The following IGF2BP1 variants were observed in gnomAD, a reference collection of about 807,000 sequenced individuals.
The protein encoded by IGF2BP1 is insulin like growth factor 2 mRNA binding protein 1.
In IGF2BP1, 11 loss-of-function variants were observed where a neutral mutation model predicts 74.9. The observed-to-expected ratio is 0.15, with a 90% CI of 0.09 to 0.24. The LOEUF (loss-of-function observed/expected upper bound fraction) is 0.24. Ranked by LOEUF, IGF2BP1 falls within the 10% of genes least tolerant of loss-of-function variation. The pLI is 1.00. For missense variants in IGF2BP1, 440 were observed against 757.4 expected (o/e 0.58, Z 4.92); for synonymous variants, 287 against 281.8 (o/e 1.02, Z -0.18).
chr17:49,039,953 C>T lies in IGF2BP1; in HGVS notation c.684-4C>T. ...CTAACCAGCCTTGTCCTTGTGGCCCCCAGGATAGACGTGCATAGGAAGGAG... is the reference window on the plus strand; with the variant it reads ...CTAACCAGCCTTGTCCTTGTGGCCCTCAGGATAGACGTGCATAGGAAGGAG... On this transcript the variant is annotated splice_region_variant and splice_polypyrimidine_tract_variant and intron_variant, in intron 6 of 14. Transcript: ENST00000290341. 3 of 1,612,248 alleles carry T rather than the reference C, an allele frequency of 1.9e-6. No homozygotes were observed. In the South Asian group the frequency reaches 3.3e-5, roughly 18 times the overall value.
chr17:49,043,224 G>A (rs757041381), intron 9 of IGF2BP1, among the ~76,000 whole-genome samples: 18 of 152,206 alleles, frequency 1.2e-4, no homozygotes, highest in Admixed American at 2.0e-4. Context: ...AGTCCAGTGA[G>A]AACATCATAT....
chr17:48,997,975 G>A lies in IGF2BP1; in HGVS notation c.175+55G>A. ...CACAACGAGAGCCCCGAACAACGGA[G>A]ACCCGCACCTTCCGGTTCCTCTCCC... On this transcript the variant is annotated intron_variant, in intron 1 of 14. Transcript: ENST00000290341. This position sits in a 1 kb window ranked among gnomAD's most constrained non-coding sequence, Gnocchi z 4.8. The A allele has an allele frequency of 6.4e-7, 1 of 1,571,052 alleles. No individual in the cohort carries two copies. Among genetic ancestry groups the A allele is most frequent in the Non-Finnish European group, 8.7e-7 (1 of 1,154,152 alleles).
intron 12 of IGF2BP1, 41 bp downstream of exon 12, chr17:49,045,106 T>C: frequency 6.4e-7 from 1 of 1,570,816 alleles, no homozygotes; most frequent in South Asian, 1.1e-5. Context: ...CATGGAGGAA[T>C]TGAGGTTGGG....
intron 2 of IGF2BP1, among the ~76,000 whole-genome samples, chr17:49,021,415 C>T (rs954679077): frequency 9.2e-5 from 14 of 152,146 alleles, no homozygotes; most frequent in Non-Finnish European, 1.5e-5. Flanking sequence ...AGGATGGTCA[C>T]TCAGTCTTTG....
intron 1 of IGF2BP1, among the ~76,000 whole-genome samples, chr17:48,998,587 A>AG (rs1182799063): frequency 1.3e-5 from 2 of 152,108 alleles, no homozygotes; most frequent in Non-Finnish European, 2.9e-5. Flanking sequence ...GGTGGCAGTG[A>AG]GGGACCCTCC....
At chr17:49,034,062 G>A (rs1417393416) in intron 5 of IGF2BP1, among the ~76,000 whole-genome samples, 1 of 77,184 alleles carries the variant, frequency 1.3e-5, no homozygotes, top group Non-Finnish European at 2.7e-5. Flanking sequence ...TGGCCTTAGC[G>A]ATCTTCCTAC....
At chr17:49,032,551 G>A (rs1238988574) in intron 5 of IGF2BP1, among the ~76,000 whole-genome samples, 3 of 152,116 alleles carry the variant, frequency 2.0e-5, no homozygotes, top group East Asian at 1.9e-4. Flanking sequence ...TATACATTTT[G>A]CGCATTACTC....
intron 2 of IGF2BP1, among the ~76,000 whole-genome samples, chr17:48,999,930 G>GTGTA (rs1483797233): frequency 6.8e-6 from 1 of 146,642 alleles, no homozygotes; most frequent in East Asian, 2.0e-4. Flanking sequence ...AATGGTGTGT[G>GTGTA]TGTGTGTGTG....
At position 48,997,428 on chromosome 17, in the gene IGF2BP1, A is replaced by T; in HGVS notation, c.-318A>T. 6.4e-6 allele frequency: 1 copy of T among 155,648 alleles called. No individual in the cohort carries two copies. The highest frequency in any genetic ancestry group is 1.2e-5 in the Non-Finnish European group (1 of 82,760). The allele number at this position is 155,648 out of a possible 1,614,324, so 9.6% of individuals were successfully genotyped here. ...GTCGATTTTATTTAGAGGCGGCGCC[A>T]GGGCGGCCGCGGAGAAACGTGACAC... On this transcript the variant is annotated 5_prime_UTR_variant, in exon 1 of 15. Coordinates refer to ENST00000290341, the MANE Select transcript of IGF2BP1 (RefSeq NM_006546.4). The surrounding 1 kb of genome is among the most constrained non-coding windows in gnomAD (Gnocchi z 4.8).
At chr17:49,037,316 C>G (rs1185434601) in intron 5 of IGF2BP1, 1 of 493,142 alleles carries the variant, frequency 2.0e-6, no homozygotes, top group Middle Eastern at 6.4e-4. Flanking sequence ...TAACTGCTCA[C>G]TATAATGATC....
At chr17:49,038,874 A>ATCTTTTTTTTTTTTTTTTTTTTTTTT (rs1491495832) in intron 6 of IGF2BP1, among the ~76,000 whole-genome samples, 3 of 75,274 alleles carry the variant, frequency 4.0e-5, no homozygotes, top group African/African-American at 1.7e-4. Context: ...TCTTTCTTTA[A>ATCTTTTTTTTTTTTTTTTTTTTTTTT]TATTTTTTTT....
intron 2 of IGF2BP1, among the ~76,000 whole-genome samples, chr17:48,999,758 C>T (rs2041462231): frequency 6.6e-6 from 1 of 151,904 alleles, no homozygotes; most frequent in Non-Finnish European, 1.5e-5. Flanking sequence ...TCCCTCTCCC[C>T]AGCTGGATTT....
At chr17:49,001,272 G>A (rs1183354479) in intron 2 of IGF2BP1, among the ~76,000 whole-genome samples, 1 of 152,056 alleles carries the variant, frequency 6.6e-6, no homozygotes, top group African/African-American at 2.4e-5. Context: ...TGGATGTATA[G>A]AACAGGAACT....
chr17:49,012,836 C>G (rs2041637394), intron 2 of IGF2BP1: 1 of 152,150 alleles, frequency 6.6e-6, no homozygotes, highest in South Asian at 2.1e-4. Flanking sequence ...CCAGCTCAAG[C>G]GAGAGCCTGA....
chr17:48,998,218 G>A (rs903821067), intron 1 of IGF2BP1, among the ~76,000 whole-genome samples: 6 of 152,160 alleles, frequency 3.9e-5, no homozygotes, highest in Non-Finnish European at 8.8e-5. Flanking sequence ...GCAGTAGTGG[G>A]GGGTTGAATT....
intron 2 of IGF2BP1, among the ~76,000 whole-genome samples, chr17:49,005,043 A>C (rs1015494516): frequency 2.6e-5 from 4 of 152,182 alleles, no homozygotes; most frequent in Admixed American, 6.5e-5. Context: ...GAGACTATGT[A>C]CTTATTACTG....
chr17:49,009,748 A>C (rs1014624453), intron 2 of IGF2BP1, among the ~76,000 whole-genome samples: 2 of 151,480 alleles, frequency 1.3e-5, no homozygotes, highest in Non-Finnish European at 2.9e-5. Context: ...CAAAAAGCTA[A>C]AATTTACCAT....
intron 2 of IGF2BP1, among the ~76,000 whole-genome samples, chr17:49,010,538 G>A (rs1034366665): frequency 2.0e-5 from 3 of 151,834 alleles, no homozygotes; most frequent in East Asian, 1.9e-4. Context: ...GGATGGTCAC[G>A]ATCTCCTGAC....
intron 2 of IGF2BP1, among the ~76,000 whole-genome samples, chr17:49,022,891 C>T (rs916638125): frequency 6.6e-6 from 1 of 152,226 alleles, no homozygotes; most frequent in Non-Finnish European, 1.5e-5. Flanking sequence ...TTTGAACTCC[C>T]AGGTAAGCCA....
Sources: gnomAD v4.1 joint callset for allele counts (sites outside exome capture counted in the v4.1 genomes callset) on GRCh38, gnomAD v4.1.1 for gene constraint, Gnocchi (gnomAD v3.1) non-coding constraint, MANE v1.5 for transcripts, NCBI Gene and HGNC (gene_info 2026-07-23, HGNC 2026-07-21) for gene names.